SMAP1: variants seen among roughly 807,000 people sequenced by gnomAD.
SMAP1 encodes the protein small ArfGAP 1.
SMAP1 carries 24 observed loss-of-function variants against 58.5 expected under a neutral mutation model. The observed-to-expected ratio is 0.41, with a 90% confidence interval of 0.30 to 0.58. SMAP1 has a LOEUF of 0.58. Ranked by LOEUF, SMAP1 falls within the 20% of genes least tolerant of loss-of-function variation. SMAP1 has a pLI of 0.29. For missense variants in SMAP1, 563 were observed against 566.3 expected, an observed-to-expected ratio of 0.99 and a Z score of 0.06; for synonymous variants, 216 against 196.6, an observed-to-expected ratio of 1.10 and a Z score of -0.82.
chr6:70,794,966 T>A (rs1305335079), intron 5 of SMAP1, among the ~76,000 whole-genome samples: 4 of 151,990 alleles, frequency 2.6e-5, no homozygotes, highest in African/African-American at 9.7e-5. Flanking sequence ...TTTTTTGTAT[T>A]TTTAGTGGAG....
chr6:70,766,606 T>C (rs1766999009), intron 3 of SMAP1, among the ~76,000 whole-genome samples: 1 of 152,190 alleles, frequency 6.6e-6, no homozygotes. Context: ...TGTTTTTTTC[T>C]TGTAAATTTG....
chr6:70,728,348 C>T (rs1263125002), intron 1 of SMAP1, among the ~76,000 whole-genome samples: 6 of 152,212 alleles, frequency 3.9e-5, no homozygotes, highest in South Asian at 4.1e-4. Context: ...TCAGGACAGC[C>T]ACATTTCTAG....
chr6:70,722,757 C>T (rs1347262851), intron 1 of SMAP1, among the ~76,000 whole-genome samples: 1 of 152,234 alleles, frequency 6.6e-6, no homozygotes, highest in Non-Finnish European at 1.5e-5. Flanking sequence ...AGGAACATGT[C>T]CTTAAGGCAC....
chr6:70,762,659 TA>T (rs1766801479), intron 3 of SMAP1, among the ~76,000 whole-genome samples: 1 of 152,156 alleles, frequency 6.6e-6, no homozygotes, highest in South Asian at 2.1e-4. Context: ...TTAAAAAGTA[TA>T]AAAAGTGATC....
intron 6 of SMAP1, among the ~76,000 whole-genome samples, chr6:70,836,519 C>T (rs1401686194): frequency 6.6e-6 from 1 of 151,918 alleles, no homozygotes; most frequent in Admixed American, 6.6e-5. Context: ...TGCATTTCTT[C>T]AAAATATATA....
chr6:70,752,376 T>C (rs1221519556), intron 2 of SMAP1, among the ~76,000 whole-genome samples: 1 of 152,222 alleles, frequency 6.6e-6, no homozygotes, highest in African/African-American at 2.4e-5. Context: ...AGTTGAATTA[T>C]GGAGACTGAT....
At chr6:70,760,492 G>A (rs538473776) in intron 3 of SMAP1, among the ~76,000 whole-genome samples, 1 of 152,040 alleles carries the variant, frequency 6.6e-6, no homozygotes, top group East Asian at 1.9e-4. Flanking sequence ...GTAATCTGTA[G>A]CCTTTAAAAA....
At chr6:70,771,060 A>G (rs1562148279) in intron 3 of SMAP1, among the ~76,000 whole-genome samples, 1 of 152,168 alleles carries the variant, frequency 6.6e-6, no homozygotes, top group Non-Finnish European at 1.5e-5. Flanking sequence ...GCTACAGGAC[A>G]GCGGATTTTC....
At position 70,860,499 on chromosome 6, in the gene SMAP1, G is replaced by T; in HGVS notation, c.*165G>T. On this transcript the variant is annotated 3_prime_UTR_variant, in exon 11 of 11. Transcript: ENST00000370455. ...TTGGTCTGTACTGATTCAATTTGAT[G>T]TGGTGAAAAGCAGGTTGATAAATCA... The T allele has an allele frequency of 3.0e-6, 2 of 675,130 alleles. No individual in the cohort carries two copies. Among genetic ancestry groups the T allele is most frequent in the Non-Finnish European group, 4.3e-6 (2 of 464,130 alleles). 41.8% of individuals were successfully genotyped at this position (675,130 alleles called of 1,614,324 possible).
At chr6:70,841,885 T>C (rs961616699) in intron 7 of SMAP1, among the ~76,000 whole-genome samples, 4 of 152,184 alleles carry the variant, frequency 2.6e-5, no homozygotes, top group African/African-American at 7.2e-5. Context: ...CAGAAAGTAC[T>C]CTACTTACCT....
intron 4 of SMAP1, among the ~76,000 whole-genome samples, chr6:70,779,256 T>G (rs1486616972): frequency 1.3e-5 from 2 of 152,216 alleles, no homozygotes; most frequent in African/African-American, 4.8e-5. Context: ...GTTCTGATGC[T>G]GAGACCTTCC....
At chr6:70,673,685 T>G (rs1190557703) in intron 1 of SMAP1, among the ~76,000 whole-genome samples, 2 of 152,236 alleles carry the variant, frequency 1.3e-5, no homozygotes, top group Non-Finnish European at 2.9e-5. Context: ...CTAAAGAAAT[T>G]TGCCAATCTA....
intron 6 of SMAP1, among the ~76,000 whole-genome samples, chr6:70,805,120 A>G (rs192221547): frequency 2.0e-5 from 3 of 152,136 alleles, no homozygotes; most frequent in Admixed American, 2.0e-4. Context: ...CATTCTCCCC[A>G]TCACTTTCAG....
At chr6:70,846,235 A>G (rs1351895801) in intron 7 of SMAP1, among the ~76,000 whole-genome samples, 2 of 152,168 alleles carry the variant, frequency 1.3e-5, no homozygotes, top group Admixed American at 6.5e-5. Context: ...CTGAACTACT[A>G]TTTGTTTTCC....
intron 1 of SMAP1, among the ~76,000 whole-genome samples, chr6:70,682,093 A>G (rs977118949): frequency 6.6e-5 from 10 of 151,942 alleles, no homozygotes; most frequent in African/African-American, 1.9e-4. Context: ...GTGAGGGGAC[A>G]ATTAGTTGAT....
chr6:70,821,946 A>G (rs1769910163), intron 6 of SMAP1, among the ~76,000 whole-genome samples: 3 of 152,126 alleles, frequency 2.0e-5, no homozygotes, highest in Admixed American at 2.0e-4. Context: ...TTTTGCAATC[A>G]TTTGAAGCTT....
intron 2 of SMAP1, among the ~76,000 whole-genome samples, chr6:70,736,574 G>A (rs993321388): frequency 3.3e-5 from 5 of 152,158 alleles, no homozygotes; most frequent in Admixed American, 2.6e-4. Flanking sequence ...TTAATGTTTA[G>A]CATTTGTAAA....
intron 4 of SMAP1, among the ~76,000 whole-genome samples, chr6:70,784,281 C>G (rs1282953993): frequency 6.6e-6 from 1 of 151,816 alleles, no homozygotes; most frequent in Non-Finnish European, 1.5e-5. Context: ...CAGGCCTGCC[C>G]TAAGAGAGCT....
intron 6 of SMAP1, among the ~76,000 whole-genome samples, chr6:70,834,188 A>G (rs1770474408): frequency 1.3e-5 from 2 of 152,188 alleles, no homozygotes; most frequent in African/African-American, 4.8e-5. Context: ...TTTAAAAGGT[A>G]GTTCTAATTT....
Sources: allele counts gnomAD v4.1 joint callset (sites outside exome capture counted in the v4.1 genomes callset), GRCh38; gene constraint gnomAD v4.1.1; transcripts MANE v1.5; gene names NCBI Gene and HGNC (gene_info 2026-07-23, HGNC 2026-07-21).